SRXN1: variants seen among roughly 807,000 people sequenced by gnomAD.
SRXN1 encodes the protein sulfiredoxin 1, also known as sulfiredoxin-1.
Under a neutral mutation model 11.0 loss-of-function variants are expected in SRXN1, and 11 were observed. That is an observed-to-expected ratio of 1.00 (90% CI 0.63 to 1.65). SRXN1 has a LOEUF of 1.65. Among genes scored for constraint, SRXN1 ranks in the 40% most tolerant of loss-of-function variants. SRXN1 has a pLI of 0.00. For synonymous variants in SRXN1, 106 were observed against 92.8 expected, an observed-to-expected ratio of 1.14 and a Z score of -0.82; for missense variants, 211 against 194.5, an observed-to-expected ratio of 1.08 and a Z score of -0.50.
At chr20:652,934 C>G in intron 1 of SRXN1, 42 bp downstream of exon 1, 1 of 1,362,004 alleles carries the variant, frequency 7.3e-7, no homozygotes, top group Non-Finnish European at 9.6e-7. Context: ...CTCCCTCCTC[C>G]GAAGCCCTCC....
intron 1 of SRXN1, among the ~76,000 whole-genome samples, chr20:650,496 G>A (rs1011907306): frequency 2.0e-5 from 3 of 152,202 alleles, no homozygotes; most frequent in African/African-American, 7.2e-5. Flanking sequence ...GGGGCAGGAC[G>A]GGTGCAGGGT....
intron 1 of SRXN1, among the ~76,000 whole-genome samples, chr20:651,679 G>GTCT (rs1983676522): frequency 6.9e-6 from 1 of 145,424 alleles, no homozygotes; most frequent in South Asian, 2.3e-4. Context: ...CCCAGACAAC[G>GTCT]TCTTAAAAAA....
intron 1 of SRXN1, among the ~76,000 whole-genome samples, chr20:652,161 G>A (rs1374357335): frequency 6.6e-6 from 1 of 152,160 alleles, no homozygotes; most frequent in Non-Finnish European, 1.5e-5. Context: ...CAGGGGAGCA[G>A]GCCCTGTGGT....
At chr20:649,623 A>C (rs1983622540) in intron 1 of SRXN1, among the ~76,000 whole-genome samples, 1 of 151,524 alleles carries the variant, frequency 6.6e-6, no homozygotes, top group South Asian at 2.1e-4. Context: ...AATCACTTGA[A>C]CCCAGGAGGC....
chr20:653,007 G>A lies in SRXN1; in HGVS notation c.179C>T (p.Ala60Val). The A allele has an allele frequency of 1.9e-6, 3 of 1,570,102 alleles. No homozygotes were observed. ...IRPLPSVLDPAKVQSLVDTIR... is the reference protein window; with the variant it reads ...IRPLPSVLDPVKVQSLVDTIR... Reference sequence around the variant, plus strand: ...CGTGTCCACGAGGCTCTGCACCTTGGCGGGGTCCAACACGGACGGCAGCGG... The same window carrying A: ...CGTGTCCACGAGGCTCTGCACCTTGACGGGGTCCAACACGGACGGCAGCGG... Residue 60 changes from alanine (A) to valine (V), a missense_variant, in exon 1 of 2, where the codon GCC becomes GTC. By Grantham distance (64) the Ala-to-Val change is moderately conservative. Coordinates refer to ENST00000381962, the MANE Select transcript of SRXN1 (RefSeq NM_080725.3).
Position 653,126 on chromosome 20 carries a change from CT to C in SRXN1, c.59del (p.Glu20GlyfsTer27). ...GRAGAGRGAP[E>X]GPGPSGGAQG... ...GCGCGCCGCCGCTCGGCCCGGGCCC[CT>C]CGGGCGCCCCCCGACCCGCGCCGGC... On this transcript the variant is annotated frameshift_variant, in exon 1 of 2. Transcript: ENST00000381962. LOFTEE classifies it high-confidence loss of function. 3.0e-6 allele frequency: 4 copies of C among 1,328,600 alleles called. No individual in the cohort carries two copies. The highest frequency in any genetic ancestry group is 3.8e-6 in the Non-Finnish European group (4 of 1,044,744). 82.3% of individuals were successfully genotyped at this position (1,328,600 alleles called of 1,614,324 possible).
rs1983726517 is a variant in SRXN1, at chr20:653,173, C to T, written c.13G>A (p.Ala5Thr). The T allele has an allele frequency of 1.6e-6, 2 of 1,255,670 alleles. No individual in the cohort carries two copies. Among genetic ancestry groups the T allele is most frequent in the Non-Finnish European group, 1.0e-6 (1 of 1,002,220 alleles). 77.8% of individuals were successfully genotyped at this position (1,255,670 alleles called of 1,614,324 possible). A position where few individuals can be genotyped will look rare whatever the true frequency, so the allele number is the denominator to read the frequency against. The change falls in exon 1 of 2, where the codon GCA (alanine) becomes ACA (threonine). Residue 5 changes from alanine (A) to threonine (T), a missense_variant. By Grantham distance (58) the Ala-to-Thr change is moderately conservative (BLOSUM62 0). Coordinates refer to ENST00000381962, the MANE Select transcript of SRXN1 (RefSeq NM_080725.3). MGLR[A>T]GGTLGRAGAG... The stretch of plus-strand genomic sequence containing the variant: ...CCGGCCCTGCCCAGCGTTCCTCCTG[C>T]ACGCAGCCCCATCGTCGCCGCCGCC...
At chr20:650,664 A>T (rs560016564) in intron 1 of SRXN1, among the ~76,000 whole-genome samples, 53 of 152,328 alleles carry the variant, frequency 3.5e-4, no homozygotes, top group African/African-American at 1.3e-3. Context: ...CTGACTTTGG[A>T]TCTCAGCTCC....
In SRXN1 at chr20:647,850, AT is replaced by A. The variant is rs1983569971; in HGVS notation, c.*863del. 1 of 353,374 alleles carries A rather than the reference AT, an allele frequency of 2.8e-6. No homozygotes were observed. Among genetic ancestry groups the A allele is most frequent in the Admixed American group, 3.8e-5 (1 of 26,212 alleles). 21.9% of individuals were successfully genotyped at this position (353,374 alleles called of 1,614,324 possible). On this transcript the variant is annotated 3_prime_UTR_variant, in exon 2 of 2. Coordinates refer to ENST00000381962, the MANE Select transcript of SRXN1 (RefSeq NM_080725.3). The stretch of plus-strand genomic sequence containing the variant: ...CACAGCAAAAGCTAACTGGTACACA[AT>A]TCTGCATTTCTCTCTTGGTAATGGG...
chr20:653,069 G>C lies in SRXN1; in HGVS notation c.117C>G (p.Ala39=). The C allele has an allele frequency of 6.6e-7, 1 of 1,523,486 alleles. No individual in the cohort carries two copies. Among genetic ancestry groups the C allele is most frequent in the Non-Finnish European group, 8.8e-7 (1 of 1,139,336 alleles). The allele number at this position is 1,523,486 out of a possible 1,614,324, so 94.4% of individuals were successfully genotyped here. A position where few individuals can be genotyped will look rare whatever the true frequency, so the allele number is the denominator to read the frequency against. ...QGGSIHSGRI[A]AVHNVPLSVL... Reference sequence around the variant, plus strand: ...CGCTCAGCGGCACGTTGTGCACCGCGGCGATGCGGCCCGAGTGGATGCTGC... The same window carrying C: ...CGCTCAGCGGCACGTTGTGCACCGCCGCGATGCGGCCCGAGTGGATGCTGC... The change falls in exon 1 of 2, where the codon GCC becomes GCG. Residue 39 remains alanine, a synonymous_variant. Coordinates refer to ENST00000381962, the MANE Select transcript of SRXN1 (RefSeq NM_080725.3).
chr20:652,105 G>A (rs1983687935), intron 1 of SRXN1, among the ~76,000 whole-genome samples: 1 of 152,258 alleles, frequency 6.6e-6, no homozygotes, highest in South Asian at 2.1e-4. Flanking sequence ...AGAGAGGCCA[G>A]TGACTCTGAC....
In SRXN1 at chr20:649,674, C is replaced by A. The variant is rs375980597; in HGVS notation, c.211-757G>T. On this transcript the variant is annotated intron_variant, in intron 1 of 1. Coordinates refer to ENST00000381962, the MANE Select transcript of SRXN1 (RefSeq NM_080725.3). ...CTGAGATCGCACCATTGCACTCCAG[C>A]CTCGGCGATGGAACGAGAATCCATC... Among the ~76,000 whole-genome samples, 39 of 151,204 alleles carry A rather than the reference C, an allele frequency of 2.6e-4. No homozygotes were observed. The South Asian group carries it at 2.7e-3, about 11-fold the overall frequency.
In SRXN1 at chr20:648,799, C is replaced by T. The variant is rs753710006; in HGVS notation, c.329G>A (p.Arg110Gln). The change falls in exon 2 of 2, where the codon CGA becomes CAA. Residue 110 changes from arginine to glutamine, a missense_variant. Coordinates refer to ENST00000381962, the MANE Select transcript of SRXN1 (RefSeq NM_080725.3). ...GACAAGCTTGGCGGGGATGGTCTCT[C>T]GCTGCAGTTGCTGGTAGGCCGCGTA... Reference protein sequence around the residue: ...HRYAAYQQLQRETIPAKLVQS... With the variant: ...HRYAAYQQLQQETIPAKLVQS... 31 of 1,614,122 alleles carry T rather than the reference C, an allele frequency of 1.9e-5. No individual in the cohort carries two copies. In the Middle Eastern group the frequency reaches 6.6e-4, roughly 34 times the overall value.
rs1198803018 is a variant in SRXN1, at chr20:647,821, G to A, written c.*893C>T. 3 of 347,364 alleles carry A rather than the reference G, an allele frequency of 8.6e-6. No individual in the cohort carries two copies. The highest frequency in any genetic ancestry group is 1.7e-5 in the Non-Finnish European group (3 of 176,832). The allele number at this position is 347,364 out of a possible 1,614,324, so 21.5% of individuals were successfully genotyped here. ...TAGCTGCCAAGTTTGGGGATGGTTTGTTACACAGCAAAAGCTAACTGGTAC... is the reference window on the plus strand; with the variant it reads ...TAGCTGCCAAGTTTGGGGATGGTTTATTACACAGCAAAAGCTAACTGGTAC... On this transcript the variant is annotated 3_prime_UTR_variant, in exon 2 of 2. Coordinates refer to ENST00000381962, the MANE Select transcript of SRXN1 (RefSeq NM_080725.3).
chr20:653,037 A>C lies in SRXN1; in HGVS notation c.149T>G (p.Ile50Ser). The change falls in exon 1 of 2, where the codon ATC becomes AGC. Residue 50 changes from isoleucine to serine, a missense_variant. By Grantham distance (142) the Ile-to-Ser change is moderately radical. Coordinates refer to ENST00000381962, the MANE Select transcript of SRXN1 (RefSeq NM_080725.3). ...GTCCAACACGGACGGCAGCGGCCGGATGAGCACGCTCAGCGGCACGTTGTG... is the reference window on the plus strand; with the variant it reads ...GTCCAACACGGACGGCAGCGGCCGGCTGAGCACGCTCAGCGGCACGTTGTG... ...AVHNVPLSVL[I>S]RPLPSVLDPA... 6.4e-7 allele frequency: 1 copy of C among 1,569,622 alleles called. No individual in the cohort carries two copies. Among genetic ancestry groups the C allele is most frequent in the South Asian group, 1.2e-5 (1 of 85,090 alleles).
rs958990994 is a variant in SRXN1, at chr20:648,559, G to C, written c.*155C>G. The C allele has an allele frequency of 6.3e-6, 5 of 797,870 alleles. No homozygotes were observed. The African/African-American group carries it at 8.5e-5, about 14-fold the overall frequency. 49.4% of individuals were successfully genotyped at this position (797,870 alleles called of 1,614,324 possible). The stretch of plus-strand genomic sequence containing the variant: ...TCCCACACTGTACAGTGAGTCCAAG[G>C]CCTTGTAGCTGGTGAGAGGGGTGCC... On this transcript the variant is annotated 3_prime_UTR_variant, in exon 2 of 2. Transcript: ENST00000381962.
rs1458525900 is a variant in SRXN1, at chr20:648,418, C to T, written c.*296G>A. 3 of 580,040 alleles carry T rather than the reference C, an allele frequency of 5.2e-6. No homozygotes were observed. The highest frequency in any genetic ancestry group is 3.7e-5 in the African/African-American group (2 of 54,432). 35.9% of individuals were successfully genotyped at this position (580,040 alleles called of 1,614,324 possible). A position where few individuals can be genotyped will look rare whatever the true frequency, so the allele number is the denominator to read the frequency against. ...ACAAAAATGCAGAGGGATCCTTGTCCTTGGGAATTTGGAGCCGGCAGCACG... is the reference window on the plus strand; with the variant it reads ...ACAAAAATGCAGAGGGATCCTTGTCTTTGGGAATTTGGAGCCGGCAGCACG... On this transcript the variant is annotated 3_prime_UTR_variant, in exon 2 of 2. Coordinates refer to ENST00000381962, the MANE Select transcript of SRXN1 (RefSeq NM_080725.3).
Position 653,058 on chromosome 20 carries a change from T to A in SRXN1, c.128A>T (p.Asn43Ile). 1 of 1,545,342 alleles carries A rather than the reference T, an allele frequency of 6.5e-7. No homozygotes were observed. Among genetic ancestry groups the A allele is most frequent in the African/African-American group, 1.4e-5 (1 of 72,104 alleles). ...CCGGATGAGCACGCTCAGCGGCACGTTGTGCACCGCGGCGATGCGGCCCGA... is the reference window on the plus strand; with the variant it reads ...CCGGATGAGCACGCTCAGCGGCACGATGTGCACCGCGGCGATGCGGCCCGA... Reference protein sequence around the residue: ...IHSGRIAAVHNVPLSVLIRPL... With the variant: ...IHSGRIAAVHIVPLSVLIRPL... The change falls in exon 1 of 2, where the codon AAC becomes ATC. Residue 43 changes from asparagine (N) to isoleucine (I), a missense_variant. Coordinates refer to ENST00000381962, the MANE Select transcript of SRXN1 (RefSeq NM_080725.3).
chr20:647,761 C>A lies in SRXN1; in HGVS notation c.*953G>T, dbSNP rs909163941. The A allele has an allele frequency of 3.0e-6, 1 of 338,716 alleles. No homozygotes were observed. Among genetic ancestry groups the A allele is most frequent in the African/African-American group, 2.2e-5 (1 of 46,482 alleles). 21.0% of individuals were successfully genotyped at this position (338,716 alleles called of 1,614,324 possible). A position where few individuals can be genotyped will look rare whatever the true frequency, so the allele number is the denominator to read the frequency against. On this transcript the variant is annotated 3_prime_UTR_variant, in exon 2 of 2. Transcript: ENST00000381962. ...TGTTGAGCCCAGCCCAAATTGCCAA[C>A]CCATAGGATTGTGGGAAAATACAGG...
Sources: allele counts gnomAD v4.1 joint callset (sites outside exome capture counted in the v4.1 genomes callset), GRCh38; gene constraint gnomAD v4.1.1; transcripts MANE v1.5; gene names NCBI Gene and HGNC (gene_info 2026-07-23, HGNC 2026-07-21).